GTF3C1: variants seen among roughly 807,000 people sequenced by gnomAD.
The protein encoded by GTF3C1 is general transcription factor 3C polypeptide 1.
Under a neutral mutation model 226.7 loss-of-function variants are expected in GTF3C1, and 57 were observed. The ratio of observed to expected loss-of-function variants is 0.25; its 90% CI spans 0.20 to 0.31. The LOEUF (loss-of-function observed/expected upper bound fraction) is 0.31, where lower values mean the gene tolerates loss of function less well. GTF3C1 is among the 10% of genes least tolerant of loss of function. The pLI is 1.00. For synonymous variants in GTF3C1, 1,090 were observed against 1,084.8 expected (o/e 1.00, Z -0.09); for missense variants, 2,217 against 2,776.1 (o/e 0.80, Z 4.53).
At position 27,461,210 on chromosome 16, in the gene GTF3C1, G is replaced by A. The variant is rs2087697905; in HGVS notation, c.*140C>T. ...AGTACAGTGGGAAACGTGTCAGTCT[G>A]TGACTCTGGCCAAAGCACCCGTCCC... On this transcript the variant is annotated 3_prime_UTR_variant, in exon 37 of 37. Transcript: ENST00000356183. The surrounding 1 kb of genome is among the most constrained non-coding windows in gnomAD (Gnocchi z 5.3). 1 of 611,724 alleles carries A rather than the reference G, an allele frequency of 1.6e-6. No homozygotes were observed. The highest frequency in any genetic ancestry group is 2.9e-5 in the Admixed American group (1 of 34,224). 37.9% of individuals were successfully genotyped at this position (611,724 alleles called of 1,614,324 possible).
At chr16:27,474,552 G>C (rs780984075) in intron 29 of GTF3C1, among the ~76,000 whole-genome samples, 4 of 152,132 alleles carry the variant, frequency 2.6e-5, no homozygotes, top group Non-Finnish European at 5.9e-5. Context: ...TTGGACTCCT[G>C]TGTGCAATGT....
Position 27,463,933 on chromosome 16 carries a change from C to A in GTF3C1, c.5873-341G>T. ...AAACACCCCAAAGAAAACAAAAACG[C>A]CCAGAGAAGCCACATGAGAAGGCCG... On this transcript the variant is annotated intron_variant, in intron 34 of 36. Transcript: ENST00000356183. This position sits in a 1 kb window ranked among gnomAD's most constrained non-coding sequence, Gnocchi z 4.9. The A allele has an allele frequency of 2.4e-6, 1 of 418,424 alleles. No individual in the cohort carries two copies. The highest frequency in any genetic ancestry group is 4.2e-6 in the Non-Finnish European group (1 of 236,886). The allele number at this position is 418,424 out of a possible 1,614,324, so 25.9% of individuals were successfully genotyped here.
At chr16:27,508,255 C>T (rs2088517712) in intron 8 of GTF3C1, among the ~76,000 whole-genome samples, 2 of 152,246 alleles carry the variant, frequency 1.3e-5, no homozygotes, top group African/African-American at 4.8e-5. Context: ...AGGTGATCCC[C>T]CTACCTCAGC....
chr16:27,531,751 G>A (rs1240568883), intron 5 of GTF3C1, among the ~76,000 whole-genome samples: 2 of 152,122 alleles, frequency 1.3e-5, no homozygotes. Context: ...TGACTTGGTA[G>A]GAGAGAGGGT....
rs775281129 is a variant in GTF3C1, at chr16:27,462,347, G to A, written c.6064C>T (p.Leu2022=). ...TRPGIPESSL[L]RHYQGVLQPV... The stretch of plus-strand genomic sequence containing the variant: ...TGCAGGACCCCCTGGTAGTGGCGCA[G>A]CAGGGAGCTCTCGGGGATGCCAGGC... The change falls in exon 36 of 37, where the codon CTG becomes TTG. Residue 2022 remains leucine, a synonymous_variant. Coordinates refer to ENST00000356183, the MANE Select transcript of GTF3C1 (RefSeq NM_001520.4). The surrounding 1 kb of genome is among the most constrained non-coding windows in gnomAD (Gnocchi z 4.5). 7 of 1,577,352 alleles carry A rather than the reference G, an allele frequency of 4.4e-6. No homozygotes were observed. The highest frequency in any genetic ancestry group is 2.6e-6 in the Non-Finnish European group (3 of 1,161,758).
At chr16:27,480,982 G>T in intron 27 of GTF3C1, 97 bp downstream of exon 27, 1 of 930,114 alleles carries the variant, frequency 1.1e-6, no homozygotes, top group Admixed American at 1.8e-5. Flanking sequence ...CCAGGCAGGT[G>T]CTGTGCGCTT....
At chr16:27,493,119 T>C (rs1464201540) in intron 17 of GTF3C1, 80 bp downstream of exon 17, 1 of 773,400 alleles carries the variant, frequency 1.3e-6, no homozygotes, top group African/African-American at 1.7e-5. Flanking sequence ...TTCCTCTTCC[T>C]GGTGAATGAT....
intron 7 of GTF3C1, among the ~76,000 whole-genome samples, chr16:27,510,630 G>A (rs942751624): frequency 2.0e-5 from 3 of 152,174 alleles, no homozygotes; most frequent in African/African-American, 4.8e-5. Context: ...GGGACGTCAA[G>A]GGAGCTACCA....
chr16:27,542,591 C>T (rs1211135345), intron 2 of GTF3C1, among the ~76,000 whole-genome samples: 2 of 151,922 alleles, frequency 1.3e-5, no homozygotes, highest in Non-Finnish European at 2.9e-5. Context: ...AGTTTAATCC[C>T]CAGTGCAGCA....
chr16:27,479,923 G>A lies in GTF3C1; in HGVS notation c.4196+1156C>T, dbSNP rs527700543. On this transcript the variant is annotated intron_variant, in intron 27 of 36. Coordinates refer to ENST00000356183, the MANE Select transcript of GTF3C1 (RefSeq NM_001520.4). ...TCTTTTATGATTAAAAATTGTGGCC[G>A]GGTGCGGTGGCTCATGCCTGTAATC... 5.5e-4 allele frequency among the ~76,000 whole-genome samples: 83 copies of A among 152,182 alleles called. 3 individuals carry two copies. The South Asian group carries it at 0.015, about 28-fold the overall frequency.
chr16:27,507,663 T>C lies in GTF3C1; in HGVS notation c.1243-507A>G, dbSNP rs1567403048. Reference sequence around the variant, plus strand: ...GGCCTTTGATAGGAAAAGAGTAACATCTAGGTACTATCACATGCCAGGGAT... The same window carrying C: ...GGCCTTTGATAGGAAAAGAGTAACACCTAGGTACTATCACATGCCAGGGAT... On this transcript the variant is annotated intron_variant, in intron 8 of 36. Transcript: ENST00000356183. The surrounding 1 kb of genome is among the most constrained non-coding windows in gnomAD (Gnocchi z 4.9). 1.3e-5 allele frequency among the ~76,000 whole-genome samples: 2 copies of C among 152,294 alleles called. No individual in the cohort carries two copies. The highest frequency in any genetic ancestry group is 6.5e-5 in the Admixed American group (1 of 15,298).
chr16:27,502,821 G>C (rs372077019), intron 11 of GTF3C1, 38 bp downstream of exon 11: 3 of 1,548,976 alleles, frequency 1.9e-6, no homozygotes, highest in Admixed American at 2.0e-5. Flanking sequence ...ATTACTGTTA[G>C]TGCCAGCAGA....
intron 6 of GTF3C1, among the ~76,000 whole-genome samples, chr16:27,528,373 G>A (rs2088864855): frequency 6.6e-6 from 1 of 152,184 alleles, no homozygotes; most frequent in Non-Finnish European, 1.5e-5. Context: ...CTATGATTTT[G>A]GAGGACACCA....
At chr16:27,490,447 G>C (rs1181441523) in intron 19 of GTF3C1, among the ~76,000 whole-genome samples, 2 of 152,176 alleles carry the variant, frequency 1.3e-5, no homozygotes, top group African/African-American at 4.8e-5. Context: ...GGGGCCCGGG[G>C]CAGTGGGAGC....
At position 27,463,062 on chromosome 16, in the gene GTF3C1, GC is replaced by G. The variant is rs1047438371; in HGVS notation, c.5924+478del. Reference sequence around the variant, plus strand: ...GAAAGCCAGGACACAGGGCACTTGGGCCCTGCCAATCTGGGGTCAGCACACA... The same window carrying G: ...GAAAGCCAGGACACAGGGCACTTGGGCCTGCCAATCTGGGGTCAGCACACA... On this transcript the variant is annotated intron_variant, in intron 35 of 36. Transcript: ENST00000356183. The surrounding 1 kb of genome is among the most constrained non-coding windows in gnomAD (Gnocchi z 4.9). The G allele has an allele frequency of 3.4e-4, 60 of 173,976 alleles. No homozygotes were observed. The highest frequency in any genetic ancestry group is 1.4e-3 in the African/African-American group (58 of 42,016). 10.8% of individuals were successfully genotyped at this position (173,976 alleles called of 1,614,324 possible).
intron 6 of GTF3C1, among the ~76,000 whole-genome samples, chr16:27,515,465 CA>C (rs74993489): frequency 1.4e-3 from 188 of 135,820 alleles, no homozygotes; most frequent in South Asian, 2.6e-3. Context: ...CAAAACACAA[CA>C]AAAAAAAAAA....
chr16:27,501,095 A>C, intron 12 of GTF3C1, 96 bp downstream of exon 12: 3 of 993,908 alleles, frequency 3.0e-6, no homozygotes, highest in Non-Finnish European at 4.6e-6. Context: ...ACTGGTAATA[A>C]AGCAACTACC....
chr16:27,549,376 T>A (rs1281952519), intron 1 of GTF3C1, among the ~76,000 whole-genome samples: 1 of 152,150 alleles, frequency 6.6e-6, no homozygotes, highest in Non-Finnish European at 1.5e-5. Flanking sequence ...AAAGGAAACA[T>A]TCTTTTAAGC....
chr16:27,465,940 C>A (rs1266523136), intron 32 of GTF3C1: 1 of 220,612 alleles, frequency 4.5e-6, no homozygotes, highest in Admixed American at 5.1e-5. Context: ...TTCCTTAGAC[C>A]CTGTGAGATA....
Sources: allele counts gnomAD v4.1 joint callset (sites outside exome capture counted in the v4.1 genomes callset), GRCh38; gene constraint gnomAD v4.1.1; non-coding constraint Gnocchi (gnomAD v3.1); transcripts MANE v1.5; gene names NCBI Gene and HGNC (gene_info 2026-07-23, HGNC 2026-07-21).